DTX2: variants seen among roughly 807,000 people sequenced by gnomAD.
DTX2 encodes probable E3 ubiquitin-protein ligase DTX2.
DTX2 carries 29 observed loss-of-function variants against 55.3 expected under a neutral mutation model. The ratio of observed to expected loss-of-function variants is 0.52; its 90% CI spans 0.39 to 0.71. The LOEUF is 0.71. Among genes scored for constraint, DTX2 ranks in the 30% least tolerant of loss-of-function variants. The pLI is 0.00. For synonymous variants in DTX2, 276 were observed against 340.4 expected, an observed-to-expected ratio of 0.81 and a Z score of 2.08; for missense variants, 537 against 822.5, an observed-to-expected ratio of 0.65 and a Z score of 4.25.
chr7:76,466,891 C>A (rs1807249198), intron 2 of DTX2, among the ~76,000 whole-genome samples: 1 of 151,854 alleles, frequency 6.6e-6, no homozygotes, highest in East Asian at 1.9e-4. Context: ...AGGCACCGCG[C>A]CTGGCCTATT....
At chr7:76,495,046 G>A (rs993318420) in intron 5 of DTX2, among the ~76,000 whole-genome samples, 1 of 148,434 alleles carries the variant, frequency 6.7e-6, no homozygotes, top group Non-Finnish European at 1.5e-5. Context: ...AGTGCCTCCA[G>A]GTGACAGCTC....
At chr7:76,481,747 C>T (rs554346964) in intron 3 of DTX2, among the ~76,000 whole-genome samples, 3 of 151,980 alleles carry the variant, frequency 2.0e-5, no homozygotes, top group African/African-American at 7.3e-5. Context: ...AATTATTGGC[C>T]CACAGTGTCA....
chr7:76,475,635 C>T (rs915814747), intron 2 of DTX2, among the ~76,000 whole-genome samples: 8 of 151,500 alleles, frequency 5.3e-5, no homozygotes, highest in Admixed American at 1.3e-4. Context: ...TGCAGTGAGC[C>T]AAAATTGCAC....
chr7:76,483,013 G>T lies in DTX2; in HGVS notation c.774G>T (p.Ala258=). The change falls in exon 4 of 11, where the codon GCG becomes GCT. Residue 258 remains alanine (A), a synonymous_variant. Coordinates refer to ENST00000430490, the MANE Select transcript of DTX2 (RefSeq NM_001102594.3). ...CCTCACTCTCCGGGGCCCGGTCTGC[G>T]CCCAGGCTGAACACCACCAACGCCT... ...NKPSLSGARS[A]PRLNTTNAWG... 8 of 1,613,456 alleles carry T rather than the reference G, an allele frequency of 5.0e-6. No homozygotes were observed. Among genetic ancestry groups the T allele is most frequent in the Non-Finnish European group, 5.1e-6 (6 of 1,179,670 alleles).
rs1464449971 is a variant in DTX2 at position 76,505,348 on chromosome 7, T to A, written c.1642-26T>A. The A allele has an allele frequency of 1.3e-6, 2 of 1,546,512 alleles. No homozygotes were observed. Among genetic ancestry groups the A allele is most frequent in the Admixed American group, 1.9e-5 (1 of 51,324 alleles). On this transcript the variant is annotated intron_variant, in intron 10 of 10. Transcript: ENST00000430490. The surrounding 1 kb of genome is among the most constrained non-coding windows in gnomAD (Gnocchi z 4.4). ...CTCTCACTCTCCGTCCCCTCCTTCC[T>A]CTTCCCCCTCCTCCTCCCCGGGCAG...
intron 3 of DTX2, among the ~76,000 whole-genome samples, chr7:76,481,689 G>A (rs1388265692): frequency 6.6e-6 from 1 of 152,094 alleles, no homozygotes; most frequent in Non-Finnish European, 1.5e-5. Flanking sequence ...GGAGGCCAGG[G>A]ATGCTGCTCG....
At position 76,480,342 on chromosome 7, in the gene DTX2, G is replaced by A. The variant is rs551262168; in HGVS notation, c.-89-79G>A. 1.0e-4 allele frequency: 84 copies of A among 830,008 alleles called. 1 individual carries two copies. Among genetic ancestry groups the A allele is most frequent in the African/African-American group, 5.2e-4 (30 of 57,668 alleles). The allele number at this position is 830,008 out of a possible 1,614,324, so 51.4% of individuals were successfully genotyped here. A position where few individuals can be genotyped will look rare whatever the true frequency, so the allele number is the denominator to read the frequency against. ...AAAATCAGCTGTGGAAAAGCATCACGTGTTTCCCCTGCGCTGAGGCTGATT... is the reference window on the plus strand; with the variant it reads ...AAAATCAGCTGTGGAAAAGCATCACATGTTTCCCCTGCGCTGAGGCTGATT... On this transcript the variant is annotated intron_variant, in intron 2 of 10. Transcript: ENST00000430490.
rs1812252206 is a variant in DTX2 at position 76,505,543 on chromosome 7, A to T, written c.1811A>T (p.Asn604Ile). The T allele has an allele frequency of 6.2e-7, 1 of 1,607,838 alleles. No homozygotes were observed. The highest frequency in any genetic ancestry group is 8.5e-7 in the Non-Finnish European group (1 of 1,177,818). Reference protein sequence around the residue: ...HGYPDPNYLQNVLAELAAQGV... With the variant: ...HGYPDPNYLQIVLAELAAQGV... ...TATCCCGACCCCAACTACCTGCAGAACGTGCTGGCTGAGCTGGCTGCCCAG... is the reference window on the plus strand; with the variant it reads ...TATCCCGACCCCAACTACCTGCAGATCGTGCTGGCTGAGCTGGCTGCCCAG... The change falls in exon 11 of 11, where the codon AAC becomes ATC. Residue 604 changes from asparagine (N) to isoleucine (I), a missense_variant. By Grantham distance (149) the Asn-to-Ile change is moderately radical (BLOSUM62 -3). Coordinates refer to ENST00000430490, the MANE Select transcript of DTX2 (RefSeq NM_001102594.3). This position sits in a 1 kb window ranked among gnomAD's most constrained non-coding sequence, Gnocchi z 4.4.
At chr7:76,498,789 T>TGG (rs1414545400) in intron 6 of DTX2, among the ~76,000 whole-genome samples, 552 of 13,854 alleles carry the variant, frequency 0.04, 5 homozygotes, top group South Asian at 0.099. Context: ...TCGGGCAGTC[T>TGG]GTATGGGTGT....
At chr7:76,504,886 G>T (rs1465314) in intron 10 of DTX2, among the ~76,000 whole-genome samples, 37,390 of 151,936 alleles carry the variant, frequency 0.25, 4,745 homozygotes, top group East Asian at 0.39. Context: ...CCCCAGGCCA[G>T]CACCAGGGGT....
chr7:76,473,798 ACT>A (rs898433735), intron 2 of DTX2, among the ~76,000 whole-genome samples: 2 of 103,952 alleles, frequency 1.9e-5, no homozygotes, highest in African/African-American at 7.2e-5. Context: ...ATGGAAGGAG[ACT>A]CTGTCTCAAA....
intron 2 of DTX2, chr7:76,478,222 CAT>C (rs1808760261): frequency 7.0e-6 from 1 of 143,016 alleles, no homozygotes; most frequent in African/African-American, 2.6e-5. Flanking sequence ...GTGACGTCCT[CAT>C]AGTCGCATGG....
At chr7:76,477,800 C>CTAAA (rs200872991) in intron 2 of DTX2, among the ~76,000 whole-genome samples, 3,659 of 90,062 alleles carry the variant, frequency 0.041, 618 homozygotes, top group East Asian at 0.089. Context: ...GACTCGGACT[C>CTAAA]TAAATAAATA....
chr7:76,503,711 C>G (rs537677696), intron 9 of DTX2, 124 bp downstream of exon 9: 3 of 1,041,874 alleles, frequency 2.9e-6, no homozygotes, highest in South Asian at 3.4e-5. Context: ...GCCCCCAGGT[C>G]CCCTAAGGCC....
intron 3 of DTX2, among the ~76,000 whole-genome samples, chr7:76,481,431 C>A (rs1396216777): frequency 6.6e-6 from 1 of 152,118 alleles, no homozygotes; most frequent in Non-Finnish European, 1.5e-5. Context: ...AGGTGATCTG[C>A]CTGCCTCGGC....
chr7:76,466,532 C>T (rs1807202071), intron 2 of DTX2, among the ~76,000 whole-genome samples: 1 of 151,002 alleles, frequency 6.6e-6, no homozygotes, highest in Non-Finnish European at 1.5e-5. Context: ...ATCATTATCT[C>T]CTTTCTTTCA....
intron 3 of DTX2, among the ~76,000 whole-genome samples, chr7:76,481,048 C>T (rs538251863): frequency 5.9e-5 from 9 of 152,340 alleles, no homozygotes; most frequent in African/African-American, 2.2e-4. Flanking sequence ...TTCCTTTGGC[C>T]GGCAGGCCGG....
At chr7:76,490,757 GCCACCACA>G (rs1810323969) in intron 4 of DTX2, among the ~76,000 whole-genome samples, 1 of 101,292 alleles carries the variant, frequency 9.9e-6, no homozygotes, top group African/African-American at 3.9e-5. Context: ...ACAGGTGCAT[GCCACCACA>G]CCTGGCTAGT....
At chr7:76,487,917 CA>C (rs1450682215) in intron 4 of DTX2, among the ~76,000 whole-genome samples, 1 of 128,628 alleles carries the variant, frequency 7.8e-6, no homozygotes, top group Non-Finnish European at 1.7e-5. Flanking sequence ...AAGGACACTT[CA>C]GGGGGCAGTT....
Sources: allele counts gnomAD v4.1 joint callset (sites outside exome capture counted in the v4.1 genomes callset), GRCh38; gene constraint gnomAD v4.1.1; non-coding constraint Gnocchi (gnomAD v3.1); transcripts MANE v1.5; gene names NCBI Gene and HGNC (gene_info 2026-07-23, HGNC 2026-07-21).